The following TM9SF3 variants were observed in gnomAD, a reference collection of about 807,000 sequenced individuals.
TM9SF3 encodes the protein transmembrane 9 superfamily member 3.
In TM9SF3, 14 loss-of-function variants were observed where a neutral mutation model predicts 78.6. The ratio of observed to expected loss-of-function variants is 0.18; its 90% confidence interval spans 0.12 to 0.28. TM9SF3 has a LOEUF of 0.28. TM9SF3 is among the 10% of genes least tolerant of loss of function. The pLI, the probability that TM9SF3 is intolerant of heterozygous loss-of-function variation, is 1.00. For missense variants in TM9SF3, 496 were observed against 721.9 expected, an observed-to-expected ratio of 0.69 and a Z score of 3.59; for synonymous variants, 231 against 241.7, an observed-to-expected ratio of 0.96 and a Z score of 0.41.
At chr10:96,579,546 C>T (rs1450844522) in intron 1 of TM9SF3, among the ~76,000 whole-genome samples, 3 of 152,134 alleles carry the variant, frequency 2.0e-5, no homozygotes, top group Non-Finnish European at 4.4e-5. Context: ...TCCGAAGTTA[C>T]TCATTTTAAA....
At chr10:96,545,902 TCA>T (rs1848092303) in intron 8 of TM9SF3, among the ~76,000 whole-genome samples, 1 of 151,898 alleles carries the variant, frequency 6.6e-6, no homozygotes, top group Non-Finnish European at 1.5e-5. Flanking sequence ...AATCAATCAA[TCA>T]ATCAATCAAT....
At chr10:96,527,597 C>T in intron 12 of TM9SF3, 101 bp from the exon 13 acceptor site, 2 of 895,500 alleles carry the variant, frequency 2.2e-6, no homozygotes, top group Admixed American at 2.9e-5. Flanking sequence ...CTTTAAAGTC[C>T]TTTAAAACTT....
intron 9 of TM9SF3, among the ~76,000 whole-genome samples, chr10:96,537,611 T>C (rs1847975297): frequency 6.6e-6 from 1 of 152,178 alleles, no homozygotes; most frequent in Admixed American, 6.5e-5. Context: ...GGCAGGCGGA[T>C]CACCTAAGGT....
At chr10:96,577,372 T>C (rs1478315834) in intron 1 of TM9SF3, 1 of 152,118 alleles carries the variant, frequency 6.6e-6, no homozygotes, top group African/African-American at 2.4e-5. Context: ...CCTCCACAAG[T>C]CCATTCAAGC....
intron 4 of TM9SF3, 97 bp from the exon 5 acceptor site, chr10:96,559,833 G>A (rs1190662210): frequency 1.6e-6 from 1 of 641,874 alleles, no homozygotes; most frequent in Admixed American, 3.2e-5. Context: ...CACACACTTA[G>A]AATTAAAATT....
In TM9SF3 at chr10:96,554,861, T is replaced by C. The variant is rs192326028; in HGVS notation, c.661-1802A>G. ...AACTTCTGCTAATGGTACTAACATG[T>C]GGCTTTGAAATTTTACAATTATCTC... On this transcript the variant is annotated intron_variant, in intron 5 of 14. Transcript: ENST00000371142. Among the ~76,000 whole-genome samples, 4 of 152,366 alleles carry C rather than the reference T, an allele frequency of 2.6e-5. No homozygotes were observed. The East Asian group carries it at 5.8e-4, about 22-fold the overall frequency.
intron 1 of TM9SF3, among the ~76,000 whole-genome samples, chr10:96,585,312 A>C (rs1265692650): frequency 6.6e-6 from 1 of 152,220 alleles, no homozygotes; most frequent in African/African-American, 2.4e-5. Context: ...AAAATTTAAA[A>C]ATACTCAAAG....
intron 9 of TM9SF3, 89 bp from the exon 10 acceptor site, chr10:96,533,279 A>G (rs1847918920): frequency 6.9e-7 from 1 of 1,448,820 alleles, no homozygotes; most frequent in Non-Finnish European, 9.2e-7. Flanking sequence ...ACACAATTTG[A>G]CCACAAAAGA....
chr10:96,533,329 G>A, intron 9 of TM9SF3, 139 bp from the exon 10 acceptor site: 1 of 1,043,416 alleles, frequency 9.6e-7, no homozygotes, highest in Non-Finnish European at 1.4e-6. Flanking sequence ...TGTGCAAGAA[G>A]TACACTAATG....
Position 96,522,468 on chromosome 10 carries a change from C to T in TM9SF3, c.1703-138G>A, listed in dbSNP as rs1847789128. 3 of 633,376 alleles carry T rather than the reference C, an allele frequency of 4.7e-6. No individual in the cohort carries two copies. The East Asian group carries it at 1.0e-4, about 22-fold the overall frequency. 39.2% of individuals were successfully genotyped at this position (633,376 alleles called of 1,614,324 possible). ...TCCTTATGTTAGTATTCTCTCTGAA[C>T]TTACTAAAACTGTATCATTTGCTTT... On this transcript the variant is annotated intron_variant, in intron 14 of 14. Transcript: ENST00000371142.
chr10:96,577,940 A>G (rs1848516542), intron 1 of TM9SF3, among the ~76,000 whole-genome samples: 1 of 152,166 alleles, frequency 6.6e-6, no homozygotes, highest in South Asian at 2.1e-4. Context: ...AATATTTTCA[A>G]TCAAAACCTA....
At chr10:96,527,092 G>C in intron 14 of TM9SF3, 121 bp downstream of exon 14, 1 of 723,276 alleles carries the variant, frequency 1.4e-6, no homozygotes, top group Admixed American at 2.7e-5. Context: ...ATCAGACTCG[G>C]GTTTATTTTG....
chr10:96,562,480 G>A (rs1244754908), intron 3 of TM9SF3, among the ~76,000 whole-genome samples: 2 of 152,102 alleles, frequency 1.3e-5, no homozygotes, highest in Non-Finnish European at 1.5e-5. Flanking sequence ...TCAGAGAAGT[G>A]CTTACATCAC....
intron 5 of TM9SF3, among the ~76,000 whole-genome samples, chr10:96,555,379 G>C (rs1564934478): frequency 6.6e-6 from 1 of 151,972 alleles, no homozygotes; most frequent in African/African-American, 2.4e-5. Context: ...ATTCTACCCA[G>C]TCTTCATATT....
chr10:96,538,422 T>C lies in TM9SF3; in HGVS notation c.1186-5232A>G, dbSNP rs530356933. 7.2e-5 allele frequency among the ~76,000 whole-genome samples: 11 copies of C among 152,248 alleles called. No homozygotes were observed. In the South Asian group the frequency reaches 2.1e-3, roughly 29 times the overall value. On this transcript the variant is annotated intron_variant, in intron 9 of 14. Transcript: ENST00000371142. ...GACCTAAATTTAAGAGCTAAAACTA[T>C]AAAATTTCTAGAAGACAACATATAA... is the stretch of plus-strand genomic sequence containing the variant.
At chr10:96,535,785 C>G (rs1234281201) in intron 9 of TM9SF3, among the ~76,000 whole-genome samples, 3 of 152,010 alleles carry the variant, frequency 2.0e-5, no homozygotes, top group Non-Finnish European at 4.4e-5. Flanking sequence ...GCTTAATACC[C>G]CAAAGATCTA....
At chr10:96,543,302 C>G (rs1848055565) in intron 9 of TM9SF3, among the ~76,000 whole-genome samples, 1 of 150,968 alleles carries the variant, frequency 6.6e-6, no homozygotes, top group African/African-American at 2.4e-5. Context: ...ATTTTAACAT[C>G]TATAGCAACG....
At position 96,522,601 on chromosome 10, in the gene TM9SF3, C is replaced by T. The variant is rs144417739; in HGVS notation, c.1703-271G>A. Among the ~76,000 whole-genome samples the T allele has an allele frequency of 2.2e-3, 338 of 151,940 alleles. 1 individual carries two copies. Among genetic ancestry groups the T allele is most frequent in the Non-Finnish European group, 3.6e-3 (245 of 67,826 alleles). On this transcript the variant is annotated intron_variant, in intron 14 of 14. Coordinates refer to ENST00000371142, the MANE Select transcript of TM9SF3 (RefSeq NM_020123.4). ...CAGTAACTACAGAATTAAAATACATCTCTTATAAAGCAAGAATAATTTGAT... is the reference window on the plus strand; with the variant it reads ...CAGTAACTACAGAATTAAAATACATTTCTTATAAAGCAAGAATAATTTGAT...
intron 8 of TM9SF3, among the ~76,000 whole-genome samples, chr10:96,544,592 T>A (rs1366352953): frequency 2.0e-5 from 3 of 152,168 alleles, no homozygotes; most frequent in Admixed American, 6.5e-5. Flanking sequence ...CTGGAGCTTC[T>A]TGGCATGCCC....
Sources: gnomAD v4.1 joint callset for allele counts (sites outside exome capture counted in the v4.1 genomes callset) on GRCh38, gnomAD v4.1.1 for gene constraint, MANE v1.5 for transcripts, NCBI Gene and HGNC (gene_info 2026-07-23, HGNC 2026-07-21) for gene names.